The following ALDH1L1 variants were observed in gnomAD, a reference collection of about 807,000 sequenced individuals.
ALDH1L1 encodes cytosolic 10-formyltetrahydrofolate dehydrogenase.
Under a neutral mutation model 101.1 loss-of-function variants are expected in ALDH1L1, and 68 were observed. That is an observed-to-expected ratio of 0.67 (90% CI 0.55 to 0.82). The LOEUF (loss-of-function observed/expected upper bound fraction) is 0.82, where lower values mean the gene tolerates loss of function less well. Ranked by LOEUF, ALDH1L1 falls within the 40% of genes least tolerant of loss-of-function variation. ALDH1L1 has a pLI of 0.00. For synonymous variants in ALDH1L1, 486 were observed against 470.8 expected, an observed-to-expected ratio of 1.03 and a Z score of -0.42; for missense variants, 1,087 against 1,172.7, an observed-to-expected ratio of 0.93 and a Z score of 1.07.
rs775554530 is a variant in ALDH1L1, at chr3:126,112,893, G to A, written c.2083-13C>T. 6.2e-7 allele frequency: 1 copy of A among 1,611,072 alleles called. No homozygotes were observed. Among genetic ancestry groups the A allele is most frequent in the East Asian group, 2.2e-5 (1 of 44,868 alleles). ...CAGAACTCATCCCCTTCAGAGAATG[G>A]ACAAGAACACCAGGTCACTGCTCCT... On this transcript the variant is annotated splice_polypyrimidine_tract_variant and intron_variant, in intron 18 of 22. Coordinates refer to ENST00000393434, the MANE Select transcript of ALDH1L1 (RefSeq NM_012190.4).
intron 16 of ALDH1L1, among the ~76,000 whole-genome samples, chr3:126,121,066 A>G (rs1222437406): frequency 6.6e-6 from 1 of 152,152 alleles, no homozygotes; most frequent in African/African-American, 2.4e-5. Flanking sequence ...ATCCAAAATG[A>G]CCAGTGTTCT....
In ALDH1L1 at chr3:126,158,460, T is replaced by C. The variant is rs767600299; in HGVS notation, c.307A>G (p.Ile103Val). 11 of 1,613,562 alleles carry C rather than the reference T, an allele frequency of 6.8e-6. No individual in the cohort carries two copies. The highest frequency in any genetic ancestry group is 9.3e-6 in the Non-Finnish European group (11 of 1,179,704). Residue 103 changes from isoleucine (I) to valine (V), a missense_variant, in exon 3 of 23, where the codon ATC becomes GTC. Transcript: ENST00000393434. ...GGGAGCAGTGACGGGTGATAGATGA[T>C]GGAGCCATGCCGGGGGGCACTGATT... Reference protein sequence around the residue: ...EIISAPRHGSIIYHPSLLPRH... With the variant: ...EIISAPRHGSVIYHPSLLPRH...
chr3:126,107,279 G>A (rs1180515923), intron 20 of ALDH1L1, 33 bp from the exon 21 acceptor site: 3 of 1,557,682 alleles, frequency 1.9e-6, no homozygotes, highest in African/African-American at 2.7e-5. Flanking sequence ...TTGCACATGG[G>A]AGACACGGTG....
At chr3:126,125,857 C>T in intron 14 of ALDH1L1, 136 bp from the exon 15 acceptor site, 1 of 552,690 alleles carries the variant, frequency 1.8e-6, no homozygotes, top group Non-Finnish European at 3.1e-6. Flanking sequence ...CCCAAGGTCC[C>T]TCTGAGAGGC....
chr3:126,158,757 C>T (rs2080973063), intron 2 of ALDH1L1, 118 bp from the exon 3 acceptor site: 2 of 938,056 alleles, frequency 2.1e-6, no homozygotes, highest in African/African-American at 1.6e-5. Context: ...CCCTCACCCA[C>T]ACCCCAGCCA....
chr3:126,153,592 G>T lies in ALDH1L1; in HGVS notation c.721-11C>A. ...GAAAAATGTCAGTTTCTGTCAAGGG[G>T]AGAAATATCAGAAGATGGTGGGTGA... is the stretch of plus-strand genomic sequence containing the variant. On this transcript the variant is annotated splice_polypyrimidine_tract_variant and intron_variant, in intron 6 of 22. Coordinates refer to ENST00000393434, the MANE Select transcript of ALDH1L1 (RefSeq NM_012190.4). 6.2e-7 allele frequency: 1 copy of T among 1,609,120 alleles called. No homozygotes were observed. The highest frequency in any genetic ancestry group is 2.2e-5 in the East Asian group (1 of 44,802).
intron 19 of ALDH1L1, among the ~76,000 whole-genome samples, chr3:126,111,444 T>C (rs985489922): frequency 3.3e-5 from 5 of 152,234 alleles, no homozygotes; most frequent in Admixed American, 3.3e-4. Flanking sequence ...TCACTGCAGA[T>C]GTTTGGGCAA....
At chr3:126,127,036 C>T (rs752613613) in intron 14 of ALDH1L1, among the ~76,000 whole-genome samples, 6 of 152,224 alleles carry the variant, frequency 3.9e-5, no homozygotes, top group Non-Finnish European at 8.8e-5. Flanking sequence ...CAGACCCTCA[C>T]AGCCCTCATG....
intron 22 of ALDH1L1, chr3:126,105,378 A>G (rs962853492): frequency 2.7e-6 from 1 of 364,418 alleles, no homozygotes; most frequent in Admixed American, 3.7e-5. Context: ...GACCTGCTGA[A>G]CCCTCAGCCA....
At chr3:126,126,453 C>A (rs779679648) in intron 14 of ALDH1L1, among the ~76,000 whole-genome samples, 1 of 152,206 alleles carries the variant, frequency 6.6e-6, no homozygotes, top group African/African-American at 2.4e-5. Context: ...AGGCTCCTGT[C>A]GCCACCCCAC....
chr3:126,158,527 G>A lies in ALDH1L1; in HGVS notation c.240C>T (p.Leu80=). The change falls in exon 3 of 23, where the codon CTC becomes CTT. Residue 80 remains leucine, a synonymous_variant. Transcript: ENST00000393434. ...VAKYQALGAE[L]NVLPFCSQFI... ...ATTGGCTGCAGAAGGGCAGGACGTT[G>A]AGCTCGGCCCCCAAAGCCTGGTATT... 2 of 1,614,200 alleles carry A rather than the reference G, an allele frequency of 1.2e-6. No homozygotes were observed. The highest frequency in any genetic ancestry group is 1.7e-6 in the Non-Finnish European group (2 of 1,180,016).
intron 13 of ALDH1L1, 102 bp from the exon 14 acceptor site, chr3:126,130,395 G>A (rs2002287): frequency 0.64 from 677,377 of 1,066,462 alleles, 217,628 homozygotes; most frequent in Middle Eastern, 0.7. Context: ...AAGTCAAAGC[G>A]ACCAGCTTAG....
At chr3:126,176,277 C>T (rs1196870838) in intron 1 of ALDH1L1, among the ~76,000 whole-genome samples, 1 of 152,058 alleles carries the variant, frequency 6.6e-6, no homozygotes, top group African/African-American at 2.4e-5. Flanking sequence ...TCTATAGATT[C>T]AATGCAATCC....
intron 17 of ALDH1L1, 163 bp from the exon 18 acceptor site, chr3:126,114,819 C>T (rs1475649671): frequency 1.5e-5 from 10 of 671,214 alleles, no homozygotes; most frequent in African/African-American, 1.1e-4. Context: ...CGGCTTCACA[C>T]GGCCACCTGC....
chr3:126,132,408 C>T (rs1188413591), intron 12 of ALDH1L1, among the ~76,000 whole-genome samples: 1 of 152,234 alleles, frequency 6.6e-6, no homozygotes, highest in East Asian at 1.9e-4. Context: ...GCTGTCCACG[C>T]CACTCAGGAT....
chr3:126,154,554 C>T lies in ALDH1L1; in HGVS notation c.720G>A (p.Gln240=). 1 of 1,614,158 alleles carries T rather than the reference C, an allele frequency of 6.2e-7. No individual in the cohort carries two copies. The highest frequency in any genetic ancestry group is 8.5e-7 in the Non-Finnish European group (1 of 1,179,982). The change falls in exon 6 of 23, where the codon CAG becomes CAA. Residue 240 remains glutamine (Q), a splice_region_variant and synonymous_variant. Coordinates refer to ENST00000393434, the MANE Select transcript of ALDH1L1 (RefSeq NM_012190.4). ...VPGAWTEACE[Q]KLTFFNSTLN... is the part of the protein sequence containing the mutation. ...GGATTCCAGCCATGCAGGGACACAC[C>T]TGTTCACAGGCCTCTGTCCAGGCTC...
intron 16 of ALDH1L1, 37 bp downstream of exon 16, chr3:126,124,327 C>G (rs770155398): frequency 2.1e-5 from 33 of 1,565,548 alleles, no homozygotes; most frequent in Non-Finnish European, 2.6e-5. Flanking sequence ...CTCCAGCTGC[C>G]AGAAGCCCTA....
intron 1 of ALDH1L1, among the ~76,000 whole-genome samples, chr3:126,197,042 C>T (rs2081585382): frequency 6.6e-6 from 1 of 152,178 alleles, no homozygotes; most frequent in South Asian, 2.1e-4. Flanking sequence ...GAAAGTACCA[C>T]CACGAAGTTA....
intron 14 of ALDH1L1, among the ~76,000 whole-genome samples, chr3:126,128,058 C>T (rs984567914): frequency 6.6e-6 from 1 of 152,064 alleles, no homozygotes; most frequent in Admixed American, 6.6e-5. Context: ...TCCGTGAGGC[C>T]AGCACAGCCA....
Sources: gnomAD v4.1 joint callset for allele counts (sites outside exome capture counted in the v4.1 genomes callset) on GRCh38, gnomAD v4.1.1 for gene constraint, MANE v1.5 for transcripts, NCBI Gene and HGNC (gene_info 2026-07-23, HGNC 2026-07-21) for gene names.